PRCP: variants seen among roughly 807,000 people sequenced by gnomAD.
PRCP encodes the protein prolylcarboxypeptidase, also known as lysosomal Pro-X carboxypeptidase.
Under a neutral mutation model 54.2 loss-of-function variants are expected in PRCP, and 46 were observed. That is an observed-to-expected ratio of 0.85 (90% confidence interval 0.67 to 1.09). The LOEUF is 1.09. Ranked by LOEUF, PRCP falls within the 50% of genes least tolerant of loss-of-function variation. The pLI is 0.00. For synonymous variants in PRCP, 240 were observed against 212.2 expected (o/e 1.13, Z -1.14); for missense variants, 613 against 596.8 (o/e 1.03, Z -0.28).
intron 6 of PRCP, chr11:82,845,746 A>T (rs1388807539): frequency 6.8e-6 from 1 of 147,230 alleles, no homozygotes; most frequent in Non-Finnish European, 1.5e-5. Flanking sequence ...CAAAATTAAC[A>T]AATTACAGCA....
At chr11:82,883,875 A>G (rs1859807833) in intron 1 of PRCP, among the ~76,000 whole-genome samples, 1 of 152,200 alleles carries the variant, frequency 6.6e-6, no homozygotes, top group African/African-American at 2.4e-5. Flanking sequence ...AAGGCAAACC[A>G]CAGCCTGTTT....
chr11:82,857,567 C>A (rs1332371884), intron 2 of PRCP, among the ~76,000 whole-genome samples: 1 of 152,202 alleles, frequency 6.6e-6, no homozygotes, highest in African/African-American at 2.4e-5. Flanking sequence ...CTCAACGAAG[C>A]ATTCTAGGTA....
intron 1 of PRCP, among the ~76,000 whole-genome samples, chr11:82,899,739 G>C (rs1314531298): frequency 6.6e-6 from 1 of 151,820 alleles, no homozygotes; most frequent in Non-Finnish European, 1.5e-5. Flanking sequence ...CTTAATAATA[G>C]GGCTACAAAA....
At chr11:82,854,813 C>A (rs752419729) in intron 2 of PRCP, among the ~76,000 whole-genome samples, 16 of 152,080 alleles carry the variant, frequency 1.1e-4, no homozygotes, top group Non-Finnish European at 2.2e-4. Flanking sequence ...GGTACTGGTA[C>A]AAAAATAGGC....
At position 82,824,592 on chromosome 11, in the gene PRCP, G is replaced by A. The variant is rs191092632; in HGVS notation, c.*314C>T. ...AACCAAAGAGAAATCTCTGCTTGCAGAGATACAAAGAAAGTAACTCTCCCT... is the reference window on the plus strand; with the variant it reads ...AACCAAAGAGAAATCTCTGCTTGCAAAGATACAAAGAAAGTAACTCTCCCT... On this transcript the variant is annotated 3_prime_UTR_variant, in exon 9 of 9. Coordinates refer to ENST00000313010, the MANE Select transcript of PRCP (RefSeq NM_005040.4). 587 of 312,234 alleles carry A rather than the reference G, an allele frequency of 1.9e-3. 3 individuals carry two copies. Among genetic ancestry groups the A allele is most frequent in the South Asian group, 5.2e-3 (146 of 28,112 alleles). The allele number at this position is 312,234 out of a possible 1,614,324, so 19.3% of individuals were successfully genotyped here. A position where few individuals can be genotyped will look rare whatever the true frequency, so the allele number is the denominator to read the frequency against.
rs553027880 is a variant in PRCP at position 82,855,445 on chromosome 11, C to T, written c.310-2167G>A. The stretch of plus-strand genomic sequence containing the variant: ...CATCCTGGCTAACACGGTGAAACCC[C>T]GTCTCTACTAAAAATGCAAAAAACT... On this transcript the variant is annotated intron_variant, in intron 2 of 8. Transcript: ENST00000313010. 2.6e-5 allele frequency among the ~76,000 whole-genome samples: 4 copies of T among 152,062 alleles called. No homozygotes were observed. The South Asian group carries it at 8.4e-4, about 32-fold the overall frequency.
At chr11:82,876,881 G>T (rs1859615815) in intron 1 of PRCP, among the ~76,000 whole-genome samples, 1 of 152,206 alleles carries the variant, frequency 6.6e-6, no homozygotes, top group Non-Finnish European at 1.5e-5. Context: ...TTTGGAACTG[G>T]ATAACAGGCA....
intron 8 of PRCP, among the ~76,000 whole-genome samples, chr11:82,836,711 C>T (rs1198252511): frequency 6.6e-6 from 1 of 152,082 alleles, no homozygotes; most frequent in Admixed American, 6.5e-5. Context: ...ACCATGCCAA[C>T]TAATTTTTAT....
At chr11:82,890,310 G>A (rs540767815) in intron 1 of PRCP, among the ~76,000 whole-genome samples, 5 of 152,062 alleles carry the variant, frequency 3.3e-5, no homozygotes, top group Admixed American at 1.3e-4. Context: ...ATCTTATTTT[G>A]CTGGGAAAAG....
intron 1 of PRCP, among the ~76,000 whole-genome samples, chr11:82,861,402 A>G (rs1859206058): frequency 6.6e-6 from 1 of 152,218 alleles, no homozygotes; most frequent in African/African-American, 2.4e-5. Flanking sequence ...GAACATTCAT[A>G]TAGTATCAAA....
chr11:82,877,212 G>T (rs1190561831), intron 1 of PRCP, among the ~76,000 whole-genome samples: 6 of 152,170 alleles, frequency 3.9e-5, no homozygotes, highest in African/African-American at 1.4e-4. Flanking sequence ...AATGTGACTT[G>T]GGTGCTGTTA....
chr11:82,840,676 A>G (rs1275266672), intron 6 of PRCP: 4 of 152,198 alleles, frequency 2.6e-5, no homozygotes, highest in Non-Finnish European at 4.4e-5. Context: ...ATAGCTGAAT[A>G]ATACTAACAA....
At chr11:82,839,647 G>A in intron 6 of PRCP, 2 of 524,912 alleles carry the variant, frequency 3.8e-6, no homozygotes, top group Non-Finnish European at 6.6e-6. Flanking sequence ...TCATTTGCAT[G>A]GTATGCAAAG....
At chr11:82,901,351 T>G (rs1860292029), upstream of PRCP, 1 of 205,678 alleles carries the variant, frequency 4.9e-6, no homozygotes, top group Non-Finnish European at 1.0e-5. Flanking sequence ...CACCGCCCCC[T>G]TCCTCCCTCC....
intron 6 of PRCP, among the ~76,000 whole-genome samples, chr11:82,841,058 A>ATATATATATATATATATATATAAATAAT (rs1178732590): frequency 2.7e-5 from 4 of 149,628 alleles, no homozygotes; most frequent in Admixed American, 6.7e-5. Context: ...TATATAATAG[A>ATATATATATATATATATATATAAATAAT]CTAGTCCTGA....
chr11:82,849,564 T>A (rs1272263369), intron 5 of PRCP, among the ~76,000 whole-genome samples: 2 of 152,190 alleles, frequency 1.3e-5, no homozygotes, highest in African/African-American at 4.8e-5. Flanking sequence ...AAAAAAGACA[T>A]GCTATGTAAT....
In PRCP at chr11:82,849,951, G is replaced by A. The variant is rs754799931; in HGVS notation, c.714C>T (p.His238=). 4 of 1,531,674 alleles carry A rather than the reference G, an allele frequency of 2.6e-6. No homozygotes were observed. The highest frequency in any genetic ancestry group is 3.9e-5 in the Admixed American group (2 of 50,904). The allele number at this position is 1,531,674 out of a possible 1,614,324, so 94.9% of individuals were successfully genotyped here. A position where few individuals can be genotyped will look rare whatever the true frequency, so the allele number is the denominator to read the frequency against. The part of the protein sequence containing the change: ...KSGPHCSESI[H]RSWDAINRLS... ...GTCGATTAATGGCATCCCAGGACCT[G>A]TGGATGCTCTCTGAACAATGTGGAC... is the stretch of plus-strand genomic sequence containing the variant. The change falls in exon 5 of 9, where the codon CAC becomes CAT. Residue 238 remains histidine (H), a synonymous_variant. Coordinates refer to ENST00000313010, the MANE Select transcript of PRCP (RefSeq NM_005040.4).
At chr11:82,831,962 T>C (rs1858396536) in intron 8 of PRCP, among the ~76,000 whole-genome samples, 1 of 151,928 alleles carries the variant, frequency 6.6e-6, no homozygotes, top group African/African-American at 2.4e-5. Context: ...AGTGAGAACA[T>C]ATGGTGTCTG....
upstream of PRCP, chr11:82,900,637 T>A (rs1376954623): frequency 3.0e-5 from 20 of 675,802 alleles, no homozygotes; most frequent in East Asian, 5.5e-4. Flanking sequence ...TGCCATCTGC[T>A]CCTTAGCACT....
Sources: allele counts gnomAD v4.1 joint callset (sites outside exome capture counted in the v4.1 genomes callset), GRCh38; gene constraint gnomAD v4.1.1; transcripts MANE v1.5; gene names NCBI Gene and HGNC (gene_info 2026-07-23, HGNC 2026-07-21).